The following LINGO2 variants were observed in gnomAD, a reference collection of about 807,000 sequenced individuals.
LINGO2 encodes leucine rich repeat and Ig domain containing 2.
A neutral mutation model predicts 30.6 loss-of-function variants in LINGO2; 14 were observed. That is an observed-to-expected ratio of 0.46 (90% confidence interval 0.30 to 0.72). The LOEUF is 0.72. Among genes scored for constraint, LINGO2 ranks in the 30% least tolerant of loss-of-function variants. The pLI, the probability that LINGO2 is intolerant of heterozygous loss-of-function variation, is 0.07. For synonymous variants in LINGO2, 317 were observed against 288.5 expected (o/e 1.10, Z -1.00); for missense variants, 729 against 751.7 (o/e 0.97, Z 0.35).
intron 4 of LINGO2, among the ~76,000 whole-genome samples, chr9:28,158,036 CG>C (rs1244731539): frequency 6.6e-6 from 1 of 152,140 alleles, no homozygotes; most frequent in African/African-American, 2.4e-5. Flanking sequence ...TCCACATTTT[CG>C]GGTATCTTTT....
chr9:28,223,752 A>G (rs73645619), intron 4 of LINGO2, among the ~76,000 whole-genome samples: 8,429 of 152,258 alleles, frequency 0.055, 497 homozygotes, highest in African/African-American at 0.14. Context: ...GAAATCTTTA[A>G]CAACTGCCTG....
chr9:28,832,584 AG>A, the LINGO2 span, among the ~76,000 whole-genome samples: 2 of 152,114 alleles, frequency 1.3e-5, no homozygotes, highest in Admixed American at 1.3e-4. Flanking sequence ...GGAATTTTCC[AG>A]TGGCTCATGT....
At chr9:28,296,080 T>C (rs556179214) in intron 3 of LINGO2, among the ~76,000 whole-genome samples, 2 of 152,252 alleles carry the variant, frequency 1.3e-5, no homozygotes, top group Admixed American at 6.5e-5. Flanking sequence ...GACAGCTAAT[T>C]TGGGGGCAAT....
chr9:28,310,370 A>G (rs974396204), intron 3 of LINGO2, among the ~76,000 whole-genome samples: 1 of 152,190 alleles, frequency 6.6e-6, no homozygotes, highest in African/African-American at 2.4e-5. Flanking sequence ...AAAGGAATGA[A>G]CTAATGGTGC....
chr9:28,422,224 G>C (rs1251980238), intron 2 of LINGO2, among the ~76,000 whole-genome samples: 1 of 151,844 alleles, frequency 6.6e-6, no homozygotes, highest in African/African-American at 2.4e-5. Context: ...AGAATAAAAA[G>C]GCAACCTACA....
the LINGO2 span, among the ~76,000 whole-genome samples, chr9:28,740,746 G>A: frequency 3.3e-5 from 5 of 151,974 alleles, no homozygotes; most frequent in African/African-American, 1.2e-4. Flanking sequence ...GTTGAGGGAT[G>A]ATTCAATTGA....
intron 4 of LINGO2, among the ~76,000 whole-genome samples, chr9:28,036,857 G>C (rs1196978040): frequency 1.3e-5 from 2 of 152,182 alleles, no homozygotes; most frequent in African/African-American, 4.8e-5. Context: ...TCTAGACACA[G>C]AAAATATAAT....
chr9:28,698,208 G>A, the LINGO2 span, among the ~76,000 whole-genome samples: 1 of 151,940 alleles, frequency 6.6e-6, no homozygotes, highest in Non-Finnish European at 1.5e-5. Context: ...TTACTTACAC[G>A]ATAAAAATTT....
chr9:28,914,037 G>T, the LINGO2 span, among the ~76,000 whole-genome samples: 1 of 152,012 alleles, frequency 6.6e-6, no homozygotes. Flanking sequence ...CACAATTTAT[G>T]CCACTCTCAC....
chr9:28,511,950 C>A (rs1473472087), intron 1 of LINGO2, among the ~76,000 whole-genome samples: 2 of 152,162 alleles, frequency 1.3e-5, no homozygotes, highest in African/African-American at 2.4e-5. Context: ...CGTCTGTGAA[C>A]CAGGCCCTAG....
the LINGO2 span, among the ~76,000 whole-genome samples, chr9:29,012,284 C>A: frequency 0.87 from 132,474 of 151,740 alleles, 58,446 homozygotes; most frequent in Non-Finnish European, 0.93. Context: ...CTTGAACCCA[C>A]AAGGCGGAGG....
intron 4 of LINGO2, among the ~76,000 whole-genome samples, chr9:28,052,478 ACAT>A (rs1381459792): frequency 6.6e-6 from 1 of 152,044 alleles, no homozygotes; most frequent in African/African-American, 2.4e-5. Flanking sequence ...ACTATTGGGA[ACAT>A]CATTTCCCAG....
intron 5 of LINGO2, among the ~76,000 whole-genome samples, chr9:27,993,773 C>T (rs1206582212): frequency 6.6e-6 from 1 of 151,918 alleles, no homozygotes; most frequent in Non-Finnish European, 1.5e-5. Flanking sequence ...ACCCCTAGTA[C>T]CTAGTAAATG....
At chr9:28,156,730 G>C (rs1828141736) in intron 4 of LINGO2, among the ~76,000 whole-genome samples, 1 of 152,188 alleles carries the variant, frequency 6.6e-6, no homozygotes, top group East Asian at 1.9e-4. Context: ...GTGGGTAAAG[G>C]TATTGGTTAA....
chr9:28,987,759 G>C, the LINGO2 span, among the ~76,000 whole-genome samples: 1 of 151,942 alleles, frequency 6.6e-6, no homozygotes, highest in Non-Finnish European at 1.5e-5. Flanking sequence ...TTCATCTAAA[G>C]ATATTTTAAA....
the LINGO2 span, among the ~76,000 whole-genome samples, chr9:29,139,600 T>G: frequency 1.3e-5 from 2 of 151,788 alleles, no homozygotes; most frequent in Admixed American, 1.3e-4. Flanking sequence ...TCAATTCCCT[T>G]TGGAAAAAAA....
chr9:28,859,233 C>A, the LINGO2 span, among the ~76,000 whole-genome samples: 2 of 152,010 alleles, frequency 1.3e-5, no homozygotes, highest in Non-Finnish European at 2.9e-5. Flanking sequence ...ATTTAGTTTA[C>A]TTCTTTAATT....
At chr9:28,356,420 A>G (rs1820210821) in intron 3 of LINGO2, among the ~76,000 whole-genome samples, 1 of 152,126 alleles carries the variant, frequency 6.6e-6, no homozygotes, top group African/African-American at 2.4e-5. Context: ...TCTGGCAGCT[A>G]CAGAAACTGT....
chr9:28,236,216 A>C (rs1397168339), intron 4 of LINGO2, among the ~76,000 whole-genome samples: 1 of 152,192 alleles, frequency 6.6e-6, no homozygotes, highest in Non-Finnish European at 1.5e-5. Context: ...TTACATTAGA[A>C]TAGTATATTT....
Sources: allele counts gnomAD v4.1 joint callset (sites outside exome capture counted in the v4.1 genomes callset), GRCh38; gene constraint gnomAD v4.1.1; transcripts MANE v1.5; gene names NCBI Gene and HGNC (gene_info 2026-07-23, HGNC 2026-07-21).